REPS2: variants seen among roughly 807,000 people sequenced by gnomAD.
REPS2 encodes RALBP1 associated Eps domain containing 2, also known as ralBP1-associated Eps domain-containing protein 2.
In REPS2, 23 loss-of-function variants were observed where a neutral mutation model predicts 53.6. The observed-to-expected ratio is 0.43, with a 90% CI of 0.31 to 0.61. The LOEUF (loss-of-function observed/expected upper bound fraction) is 0.61, where lower values mean the gene tolerates loss of function less well. Among genes scored for constraint, REPS2 ranks in the 20% least tolerant of loss-of-function variants. The probability of loss-of-function intolerance (pLI) is 0.11; values close to 1 mark genes in which losing one functional copy is unlikely to be tolerated. For missense variants in REPS2, 446 were observed against 534.9 expected (o/e 0.83, Z 1.64); for synonymous variants, 238 against 218.6 (o/e 1.09, Z -0.78).
chrX:16,953,513 T>C (rs777158680), intron 1 of REPS2, among the ~76,000 whole-genome samples: 1 of 111,873 alleles, frequency 8.9e-6, no homozygotes, highest in South Asian at 3.7e-4. Context: ...CTTTCTACTT[T>C]TATTGTATGT....
chrX:16,988,620 C>T (rs981101467), intron 1 of REPS2, among the ~76,000 whole-genome samples: 3 of 95,778 alleles, frequency 3.1e-5, no homozygotes, highest in Non-Finnish European at 4.1e-5. Context: ...TACCATGTTC[C>T]GGGTTTCAGG....
intron 1 of REPS2, among the ~76,000 whole-genome samples, chrX:16,954,207 G>A (rs923758811): frequency 1.8e-5 from 2 of 111,177 alleles, no homozygotes; most frequent in African/African-American, 6.6e-5. Context: ...GTGATCTCCC[G>A]CCTCAGCCTC....
At chrX:17,038,474 A>G (rs1286834498) in intron 5 of REPS2, among the ~76,000 whole-genome samples, 2 of 111,992 alleles carry the variant, frequency 1.8e-5, no homozygotes, top group Non-Finnish European at 3.8e-5. Flanking sequence ...AAGCTACAGC[A>G]TTGGGAAACT....
intron 1 of REPS2, among the ~76,000 whole-genome samples, chrX:16,995,113 A>C (rs2061218139): frequency 8.9e-6 from 1 of 112,366 alleles, no homozygotes; most frequent in Non-Finnish European, 1.9e-5. Flanking sequence ...TTGAAAGAAA[A>C]TAGTTCTGAG....
intron 17 of REPS2, among the ~76,000 whole-genome samples, chrX:17,144,392 C>T (rs1322469644): frequency 8.9e-6 from 1 of 112,832 alleles, no homozygotes; most frequent in Non-Finnish European, 1.9e-5. Context: ...TTATTTTAGC[C>T]AACTCCCATC....
intron 3 of REPS2, among the ~76,000 whole-genome samples, chrX:17,024,363 GTTTTTTTTTTTT>G (rs900082438): frequency 1.4e-5 from 1 of 71,691 alleles, no homozygotes; most frequent in African/African-American, 5.4e-5. Flanking sequence ...TACTAGTAAA[GTTTTTTTTTTTT>G]TTTTTTTTTT....
intron 13 of REPS2, among the ~76,000 whole-genome samples, chrX:17,089,780 G>A (rs955500968): frequency 1.8e-5 from 2 of 112,113 alleles, no homozygotes; most frequent in Non-Finnish European, 3.8e-5. Context: ...CCAGTCTTCA[G>A]TTTGACAGAC....
chrX:17,050,691 TA>T (rs1244288230), intron 6 of REPS2, among the ~76,000 whole-genome samples: 1 of 111,525 alleles, frequency 9.0e-6, no homozygotes, highest in Non-Finnish European at 1.9e-5. Context: ...TCATTTAGCA[TA>T]ATGTTTTAGT....
chrX:16,965,883 G>A (rs867765479), intron 1 of REPS2, among the ~76,000 whole-genome samples: 1 of 112,810 alleles, frequency 8.9e-6, no homozygotes, highest in Non-Finnish European at 1.9e-5. Context: ...CGAGGCTGGC[G>A]GGTCACTCGC....
At chrX:16,977,270 A>G (rs2060966559) in intron 1 of REPS2, among the ~76,000 whole-genome samples, 1 of 109,543 alleles carries the variant, frequency 9.1e-6, no homozygotes, top group Non-Finnish European at 1.9e-5. Flanking sequence ...GAGGCTCTCC[A>G]CTTCATGTTG....
intron 13 of REPS2, among the ~76,000 whole-genome samples, chrX:17,082,659 C>T (rs973559998): frequency 6.2e-5 from 7 of 112,220 alleles, no homozygotes; most frequent in African/African-American, 1.3e-4. Context: ...AGAACAGGCA[C>T]GTATACTACA....
At chrX:17,093,895 C>G (rs890024326) in intron 13 of REPS2, among the ~76,000 whole-genome samples, 2 of 111,320 alleles carry the variant, frequency 1.8e-5, no homozygotes, top group African/African-American at 6.5e-5. Context: ...TCCAGAGTTC[C>G]TCTTATGAAA....
intron 14 of REPS2, among the ~76,000 whole-genome samples, chrX:17,110,891 G>A (rs955175379): frequency 6.3e-5 from 7 of 110,631 alleles, no homozygotes; most frequent in Non-Finnish European, 1.1e-4. Flanking sequence ...GTACGTGCCT[G>A]TAATCCCAGC....
At chrX:17,050,160 T>TTCTTTC in intron 6 of REPS2, among the ~76,000 whole-genome samples, 1 of 41,566 alleles carries the variant, frequency 2.4e-5, no homozygotes, top group Non-Finnish European at 3.8e-5. Context: ...CTTTCTTTCT[T>TTCTTTC]TCTTTCTTTC....
rs775312895 is a variant in REPS2 at position 17,108,234 on chromosome X, C to T, written c.1578+4455C>T. ...TGTTGCCCAGGCTGGAGTGCAATGG[C>T]GCGATCTTGGCTCACCGCAACCTCC... On this transcript the variant is annotated intron_variant, in intron 14 of 17. Coordinates refer to ENST00000357277, the MANE Select transcript of REPS2 (RefSeq NM_004726.3). Among the ~76,000 whole-genome samples, 23 of 106,925 alleles carry T rather than the reference C, an allele frequency of 2.2e-4. No homozygotes were observed. In the East Asian group the frequency reaches 6.4e-3, roughly 30 times the overall value. The allele number at this position is 106,925 out of a possible 115,157, so 92.9% of individuals were successfully genotyped here.
At chrX:17,034,353 A>G (rs2061742109) in intron 5 of REPS2, among the ~76,000 whole-genome samples, 2 of 111,324 alleles carry the variant, frequency 1.8e-5, no homozygotes, top group African/African-American at 6.5e-5. Flanking sequence ...CTGGAGTACA[A>G]TGGCACCATC....
chrX:17,046,560 G>A (rs2061909933), intron 5 of REPS2, among the ~76,000 whole-genome samples: 2 of 111,940 alleles, frequency 1.8e-5, no homozygotes, highest in Non-Finnish European at 3.8e-5. Context: ...GTTCATGGGA[G>A]GGATAGAACA....
At chrX:16,983,642 A>G (rs2061050598) in intron 1 of REPS2, among the ~76,000 whole-genome samples, 1 of 112,360 alleles carries the variant, frequency 8.9e-6, no homozygotes, top group African/African-American at 3.2e-5. Flanking sequence ...AGCTGGGATT[A>G]CAGGCATGCG....
chrX:17,172,458 T>G, the REPS2 span, among the ~76,000 whole-genome samples: 1 of 111,952 alleles, frequency 8.9e-6, no homozygotes, highest in African/African-American at 3.3e-5. Context: ...CTACTTCCCC[T>G]TCACCTTCTG....
Sources: gnomAD v4.1 joint callset for allele counts (sites outside exome capture counted in the v4.1 genomes callset) on GRCh38, gnomAD v4.1.1 for gene constraint, MANE v1.5 for transcripts, NCBI Gene and HGNC (gene_info 2026-07-23, HGNC 2026-07-21) for gene names.